Variants in BEND4 observed in about 807,000 individuals in gnomAD.
The protein encoded by BEND4 is BEN domain containing 4.
A neutral mutation model predicts 54.7 loss-of-function variants in BEND4; 27 were observed. The observed-to-expected ratio is 0.49, with a 90% CI of 0.36 to 0.68. The LOEUF (loss-of-function observed/expected upper bound fraction) is 0.68, where lower values mean the gene tolerates loss of function less well. Ranked by LOEUF, BEND4 falls within the 30% of genes least tolerant of loss-of-function variation. The pLI is 0.00. For synonymous variants in BEND4, 327 were observed against 299.5 expected, an observed-to-expected ratio of 1.09 and a Z score of -0.95; for missense variants, 702 against 697.2, an observed-to-expected ratio of 1.01 and a Z score of -0.08.
At chr4:42,150,734 C>T (rs1159348760) in intron 2 of BEND4, among the ~76,000 whole-genome samples, 2 of 152,256 alleles carry the variant, frequency 1.3e-5, no homozygotes, top group Non-Finnish European at 2.9e-5. Flanking sequence ...TGCAGGCAGG[C>T]AGTGGGCTGC....
At chr4:42,151,443 A>T in intron 2 of BEND4, 1 of 373,600 alleles carries the variant, frequency 2.7e-6, no homozygotes, top group Non-Finnish European at 4.6e-6. Flanking sequence ...CCGCGGAGCC[A>T]CCTGTTAGGC....
chr4:42,119,868 C>T (rs76217286), intron 5 of BEND4, 186 bp downstream of exon 5: 21,197 of 658,362 alleles, frequency 0.032, 461 homozygotes, highest in Non-Finnish European at 0.039. Flanking sequence ...AGAACAACAA[C>T]GCTAAGGCAA....
intron 3 of BEND4, among the ~76,000 whole-genome samples, chr4:42,138,325 AG>A (rs1720765092): frequency 2.0e-5 from 3 of 152,358 alleles, no homozygotes; most frequent in Admixed American, 2.0e-4. Context: ...AGACACAGAA[AG>A]AAAAATATTG....
In BEND4 at chr4:42,136,392, T is replaced by G. The variant is rs991509754; in HGVS notation, c.1054+7036A>C. 3.3e-5 allele frequency among the ~76,000 whole-genome samples: 5 copies of G among 152,342 alleles called. No homozygotes were observed. The East Asian group carries it at 9.6e-4, about 29-fold the overall frequency. ...TCAGAACTGCAGAATCCAAGGTTAG[T>G]TCTCTAGTTTGTAGCCTCTGGAGTT... On this transcript the variant is annotated intron_variant, in intron 3 of 5. Transcript: ENST00000502486.
In BEND4 at chr4:42,143,528, G is replaced by GTCC. The variant is rs762489335; in HGVS notation, c.951_953dup (p.Glu317dup). On this transcript the variant is annotated inframe_insertion, in exon 3 of 6. Coordinates refer to ENST00000502486, the MANE Select transcript of BEND4 (RefSeq NM_207406.4). ...GGCATCGAGGACAATAGCCTTCCTC[G>GTCC]TCCTCCTCCTCCTCCTCTTCTGGCA... 39 of 1,553,568 alleles carry GTCC rather than the reference G, an allele frequency of 2.5e-5. No individual in the cohort carries two copies. Among genetic ancestry groups the GTCC allele is most frequent in the Middle Eastern group, 1.7e-4 (1 of 6,018 alleles).
intron 5 of BEND4, among the ~76,000 whole-genome samples, chr4:42,119,391 CT>C (rs1194024029): frequency 7.2e-5 from 11 of 152,244 alleles, no homozygotes; most frequent in African/African-American, 2.4e-4. Context: ...TTCTATTTGT[CT>C]AGGTCTGTAT....
Position 42,117,345 on chromosome 4 carries a change from C to T in BEND4, c.*173G>A, listed in dbSNP as rs1719878704. The T allele has an allele frequency of 5.3e-6, 3 of 570,506 alleles. No individual in the cohort carries two copies. The highest frequency in any genetic ancestry group is 9.3e-6 in the Non-Finnish European group (3 of 323,448). 35.3% of individuals were successfully genotyped at this position (570,506 alleles called of 1,614,324 possible). The stretch of plus-strand genomic sequence containing the variant: ...ATATTCCAAAAGTCTGTTGTAGGTG[C>T]CACAGACTTCCCAAACAACCCTAAA... On this transcript the variant is annotated 3_prime_UTR_variant, in exon 6 of 6. Transcript: ENST00000502486.
intron 4 of BEND4, 32 bp from the exon 5 acceptor site, chr4:42,120,326 C>A (rs2153144689): frequency 1.3e-6 from 2 of 1,585,956 alleles, no homozygotes; most frequent in Non-Finnish European, 1.7e-6. Flanking sequence ...TCATTACCCA[C>A]CGAGCCAGCC....
intron 4 of BEND4, 54 bp from the exon 5 acceptor site, chr4:42,120,348 G>A: frequency 1.3e-6 from 2 of 1,566,236 alleles, no homozygotes; most frequent in Admixed American, 3.6e-5. Context: ...GCCAGAAGCA[G>A]AAGTGATCTC....
rs573235391 is a variant in BEND4, at chr4:42,112,423, T to A, written c.*5095A>T. On this transcript the variant is annotated 3_prime_UTR_variant, in exon 6 of 6. Coordinates refer to ENST00000502486, the MANE Select transcript of BEND4 (RefSeq NM_207406.4). The stretch of plus-strand genomic sequence containing the variant: ...AAATAGTTTTCCAATGTGGCCAGGA[T>A]ACATCTGGCCACTTGTACTGGCCCA... The A allele has an allele frequency of 1.3e-5, 2 of 152,238 alleles. No homozygotes were observed. Among genetic ancestry groups the A allele is most frequent in the African/African-American group, 2.4e-5 (1 of 41,472 alleles). 9.4% of individuals were successfully genotyped at this position (152,238 alleles called of 1,614,324 possible).
chr4:42,151,942 C>G lies in BEND4; in HGVS notation c.202G>C (p.Val68Leu). The change falls in exon 2 of 6, where the codon GTC becomes CTC. Residue 68 changes from valine to leucine, a missense_variant. Val to Leu is a conservative substitution (Grantham distance 32, BLOSUM62 1). Transcript: ENST00000502486. ...GGCGGCTCGCTGCTGCTGATGGAGA[C>G]GGCGGCGTGCGGCGCGAAGGGCGGC... Reference protein sequence around the residue: ...PPPPFAPHAAVSISSSEPPPQ... With the variant: ...PPPPFAPHAALSISSSEPPPQ... 8.0e-7 allele frequency: 1 copy of G among 1,247,238 alleles called. No homozygotes were observed. The highest frequency in any genetic ancestry group is 1.0e-6 in the Non-Finnish European group (1 of 993,926). The allele number at this position is 1,247,238 out of a possible 1,614,324, so 77.3% of individuals were successfully genotyped here.
At chr4:42,150,053 T>C (rs1014078216) in intron 2 of BEND4, among the ~76,000 whole-genome samples, 2 of 151,528 alleles carry the variant, frequency 1.3e-5, no homozygotes, top group African/African-American at 4.9e-5. Context: ...ACACAGAAAA[T>C]GGGAAAAGGA....
rs533779745 is a variant in BEND4, at chr4:42,151,885, G to C, written c.259C>G (p.Pro87Ala). The C allele has an allele frequency of 2.1e-5, 27 of 1,296,170 alleles. No homozygotes were observed. In the African/African-American group the frequency reaches 3.1e-4, roughly 15 times the overall value. The allele number at this position is 1,296,170 out of a possible 1,614,324, so 80.3% of individuals were successfully genotyped here. A position where few individuals can be genotyped will look rare whatever the true frequency, so the allele number is the denominator to read the frequency against. ...PQQFQAQSSY[P>A]PGPGRAAAAA... is the part of the protein sequence containing the mutation. ...GCGGCGGCCCGGCCGGGCCCGGGGG[G>C]GTAGGAGCTCTGCGCCTGGAACTGC... The change falls in exon 2 of 6, where the codon CCC becomes GCC. Residue 87 changes from proline (P) to alanine (A), a missense_variant. By Grantham distance (27) the Pro-to-Ala change is conservative (BLOSUM62 -1). Coordinates refer to ENST00000502486, the MANE Select transcript of BEND4 (RefSeq NM_207406.4).
intron 4 of BEND4, among the ~76,000 whole-genome samples, chr4:42,121,689 A>G (rs1345366305): frequency 6.6e-6 from 1 of 152,188 alleles, no homozygotes; most frequent in Non-Finnish European, 1.5e-5. Context: ...GAGCTCCCAA[A>G]AAGTCCTTCA....
In BEND4 at chr4:42,112,933, T is replaced by C. The variant is rs1719633158; in HGVS notation, c.*4585A>G. 6.6e-6 allele frequency: 1 copy of C among 152,184 alleles called. No individual in the cohort carries two copies. The highest frequency in any genetic ancestry group is 1.5e-5 in the Non-Finnish European group (1 of 68,022). The allele number at this position is 152,184 out of a possible 1,614,324, so 9.4% of individuals were successfully genotyped here. A position where few individuals can be genotyped will look rare whatever the true frequency, so the allele number is the denominator to read the frequency against. ...AGGACTACCCATCTGCTGGGTGACG[T>C]TTTCCTACATTACTCCAACTGAAGT... On this transcript the variant is annotated 3_prime_UTR_variant, in exon 6 of 6. Transcript: ENST00000502486.
chr4:42,151,892 G>A lies in BEND4; in HGVS notation c.252C>T (p.Ser84=). 2.3e-6 allele frequency: 3 copies of A among 1,286,744 alleles called. No individual in the cohort carries two copies. The highest frequency in any genetic ancestry group is 2.9e-6 in the Non-Finnish European group (3 of 1,023,800). The allele number at this position is 1,286,744 out of a possible 1,614,324, so 79.7% of individuals were successfully genotyped here. A position where few individuals can be genotyped will look rare whatever the true frequency, so the allele number is the denominator to read the frequency against. ...EPPPQQFQAQ[S]SYPPGPGRAA... ...CCCGGCCGGGCCCGGGGGGGTAGGA[G>A]CTCTGCGCCTGGAACTGCTGCGGCG... The change falls in exon 2 of 6, where the codon AGC becomes AGT. Residue 84 remains serine (S), a synonymous_variant. Transcript: ENST00000502486.
chr4:42,145,155 T>C (rs561884883), intron 2 of BEND4, among the ~76,000 whole-genome samples: 22 of 152,268 alleles, frequency 1.4e-4, no homozygotes, highest in Non-Finnish European at 2.4e-4. Flanking sequence ...GAAAGAAAAC[T>C]TTCAGAATAA....
chr4:42,140,969 A>G (rs1337184018), intron 3 of BEND4, among the ~76,000 whole-genome samples: 1 of 152,200 alleles, frequency 6.6e-6, no homozygotes, highest in African/African-American at 2.4e-5. Flanking sequence ...AAATACCCCT[A>G]TGAGATAAAC....
Position 42,116,146 on chromosome 4 carries a change from T to A in BEND4, c.*1372A>T, listed in dbSNP as rs1719821212. On this transcript the variant is annotated 3_prime_UTR_variant, in exon 6 of 6. Transcript: ENST00000502486. ...ATCAATGGATGCTCATTAACCTGAATCTCCAACCAATTTTCAAAAACCCTT... is the reference window on the plus strand; with the variant it reads ...ATCAATGGATGCTCATTAACCTGAAACTCCAACCAATTTTCAAAAACCCTT... 1 of 152,200 alleles carries A rather than the reference T, an allele frequency of 6.6e-6. No individual in the cohort carries two copies. Among genetic ancestry groups the A allele is most frequent in the Admixed American group, 6.5e-5 (1 of 15,284 alleles). The allele number at this position is 152,200 out of a possible 1,614,324, so 9.4% of individuals were successfully genotyped here.
Sources: allele counts gnomAD v4.1 joint callset (sites outside exome capture counted in the v4.1 genomes callset), GRCh38; gene constraint gnomAD v4.1.1; transcripts MANE v1.5; gene names NCBI Gene and HGNC (gene_info 2026-07-23, HGNC 2026-07-21).